Variants in VWDE observed in about 807,000 individuals in gnomAD.
VWDE encodes the protein von Willebrand factor D and EGF domains.
Under a neutral mutation model 178.4 loss-of-function variants are expected in VWDE, and 207 were observed. The observed-to-expected ratio is 1.16, with a 90% CI of 1.04 to 1.30. The LOEUF is 1.30. VWDE is among the 50% of genes most tolerant of loss of function. The pLI, the probability that VWDE is intolerant of heterozygous loss-of-function variation, is 0.00. For missense variants in VWDE, 2,287 were observed against 1,901.3 expected, an observed-to-expected ratio of 1.20 and a Z score of -3.77; for synonymous variants, 738 against 651.4, an observed-to-expected ratio of 1.13 and a Z score of -2.02.
chr7:12,380,669 A>T lies in VWDE; in HGVS notation c.606T>A (p.Ile202=). ...AGRPEVLVEL[I]ESRLFCRCSF... ...AACACCTACAGAAAAGCCTGGACTCAATCAACTCCACCAGAACCTCTGGCC... is the reference window on the plus strand; with the variant it reads ...AACACCTACAGAAAAGCCTGGACTCTATCAACTCCACCAGAACCTCTGGCC... Residue 202 remains isoleucine, a synonymous_variant, in exon 5 of 29, where the codon ATT becomes ATA. Coordinates refer to ENST00000275358, the MANE Select transcript of VWDE (RefSeq NM_001135924.3). 1 of 1,552,084 alleles carries T rather than the reference A, an allele frequency of 6.4e-7. No homozygotes were observed. Among genetic ancestry groups the T allele is most frequent in the Non-Finnish European group, 8.7e-7 (1 of 1,147,082 alleles).
At chr7:12,392,109 G>C (rs1784414327) in intron 2 of VWDE, among the ~76,000 whole-genome samples, 1 of 152,180 alleles carries the variant, frequency 6.6e-6, no homozygotes, top group African/African-American at 2.4e-5. Context: ...AGCTGAGAAA[G>C]ATTGTGATAA....
At chr7:12,399,621 C>T (rs1784806928) in intron 1 of VWDE, among the ~76,000 whole-genome samples, 1 of 150,982 alleles carries the variant, frequency 6.6e-6, no homozygotes, top group South Asian at 2.1e-4. Flanking sequence ...TATAAATTTT[C>T]CCCAAGTGCA....
chr7:12,348,594 G>A (rs955110057), intron 19 of VWDE, among the ~76,000 whole-genome samples: 24 of 149,500 alleles, frequency 1.6e-4, no homozygotes, highest in African/African-American at 5.2e-4. Context: ...TGGAGAGGAT[G>A]TGGAGAAATA....
Position 12,377,860 on chromosome 7 carries a change from T to A in VWDE, c.940A>T (p.Ser314Cys), listed in dbSNP as rs1783626943. ...TCAGAACAAATAATAGGAACTGTGC[T>A]TTCTATCCTCAGGTAGTATTCTTTC... ...DGKEYYLRIE[S>C]TVPIICSEFS... is the part of the protein sequence containing the mutation. The change falls in exon 7 of 29, where the codon AGC (serine) becomes TGC (cysteine). Residue 314 changes from serine to cysteine, a missense_variant. By Grantham distance (112) the Ser-to-Cys change is moderately radical. Coordinates refer to ENST00000275358, the MANE Select transcript of VWDE (RefSeq NM_001135924.3). 1 of 1,529,024 alleles carries A rather than the reference T, an allele frequency of 6.5e-7. No individual in the cohort carries two copies. Among genetic ancestry groups the A allele is most frequent in the Admixed American group, 2.1e-5 (1 of 48,306 alleles). 94.7% of individuals were successfully genotyped at this position (1,529,024 alleles called of 1,614,324 possible).
chr7:12,367,465 C>T lies in VWDE; in HGVS notation c.2790G>A (p.Gly930=), dbSNP rs768119045. 2 of 1,531,654 alleles carry T rather than the reference C, an allele frequency of 1.3e-6. No individual in the cohort carries two copies. Among genetic ancestry groups the T allele is most frequent in the South Asian group, 1.2e-5 (1 of 80,054 alleles). The allele number at this position is 1,531,654 out of a possible 1,614,324, so 94.9% of individuals were successfully genotyped here. A position where few individuals can be genotyped will look rare whatever the true frequency, so the allele number is the denominator to read the frequency against. Residue 930 remains glycine (G), a synonymous_variant, in exon 13 of 29, where the codon GGG becomes GGA. Coordinates refer to ENST00000275358, the MANE Select transcript of VWDE (RefSeq NM_001135924.3). The stretch of plus-strand genomic sequence containing the variant: ...TTTGAACATCACAGAATCCAGCATT[C>T]CCAAGCTCTGTAATTTCAGGAGCTT... The part of the protein sequence containing the change: ...YDKAPEITEL[G]NAGFCDVQKY...
intron 9 of VWDE, 64 bp from the exon 10 acceptor site, chr7:12,373,311 G>C (rs1324776149): frequency 2.7e-6 from 4 of 1,472,140 alleles, no homozygotes; most frequent in South Asian, 2.5e-5. Context: ...GTATGTTATT[G>C]ATTTGCAACA....
In VWDE at chr7:12,336,357, A is replaced by AT. The variant is rs137918880; in HGVS notation, c.4559-122dup. The AT allele has an allele frequency of 5.1e-3, 3,926 of 767,642 alleles. 115 individuals are homozygous for AT. The African/African-American group carries it at 0.063, about 12-fold the overall frequency. 47.6% of individuals were successfully genotyped at this position (767,642 alleles called of 1,614,324 possible). Reference sequence around the variant, plus strand: ...TAGTTACAAGTAAGTGATTAAAGAAATTTTTCCCTAATATTTTATCAAGAA... The same window carrying AT: ...TAGTTACAAGTAAGTGATTAAAGAAATTTTTTCCCTAATATTTTATCAAGAA... On this transcript the variant is annotated intron_variant, in intron 26 of 28. Transcript: ENST00000275358.
At chr7:12,365,381 T>C (rs990340452) in intron 13 of VWDE, among the ~76,000 whole-genome samples, 2 of 152,276 alleles carry the variant, frequency 1.3e-5, no homozygotes, top group African/African-American at 4.8e-5. Context: ...GCATTATTTT[T>C]ACAATTTTTC....
Position 12,390,375 on chromosome 7 carries a change from T to C in VWDE, c.244-1017A>G, listed in dbSNP as rs562308210. ...CCTTCTCTTTTATATTAGGTGGAAGTGGTACCCACCTCAAAGTGCCATAGT... is the reference window on the plus strand; with the variant it reads ...CCTTCTCTTTTATATTAGGTGGAAGCGGTACCCACCTCAAAGTGCCATAGT... On this transcript the variant is annotated intron_variant, in intron 2 of 28. Transcript: ENST00000275358. Among the ~76,000 whole-genome samples the C allele has an allele frequency of 6.0e-4, 92 of 152,108 alleles. 2 individuals are homozygous for C. The highest frequency in any genetic ancestry group is 5.1e-4 in the Non-Finnish European group (35 of 67,998).
At chr7:12,343,779 T>C (rs966681194) in intron 21 of VWDE, among the ~76,000 whole-genome samples, 14 of 152,198 alleles carry the variant, frequency 9.2e-5, no homozygotes, top group Admixed American at 6.5e-5. Context: ...GATGTATTTT[T>C]ACAAATTCAC....
Position 12,380,714 on chromosome 7 carries a change from C to T in VWDE, c.561G>A (p.Leu187=), listed in dbSNP as rs771157264. The T allele has an allele frequency of 6.4e-7, 1 of 1,551,748 alleles. No individual in the cohort carries two copies. The highest frequency in any genetic ancestry group is 8.7e-7 in the Non-Finnish European group (1 of 1,146,972). Reference sequence around the variant, plus strand: ...CTGGCCTTCCTGCAGGTGGAGGTGGCAATGAGGCAGCCAGCTGACCTGGGG... The same window carrying T: ...CTGGCCTTCCTGCAGGTGGAGGTGGTAATGAGGCAGCCAGCTGACCTGGGG... The part of the protein sequence containing the change: ...GDCVRQLAAS[L]PPPPAGRPEV... Residue 187 remains leucine (L), a synonymous_variant, in exon 5 of 29, where the codon TTG becomes TTA. Transcript: ENST00000275358.
chr7:12,356,730 T>A (rs1414125870), intron 17 of VWDE, among the ~76,000 whole-genome samples: 1 of 152,218 alleles, frequency 6.6e-6, no homozygotes, highest in Admixed American at 6.5e-5. Flanking sequence ...CAGCTGCTCT[T>A]ACAATATTAC....
chr7:12,391,060 A>G (rs1198824588), intron 2 of VWDE, among the ~76,000 whole-genome samples: 2 of 152,110 alleles, frequency 1.3e-5, no homozygotes, highest in East Asian at 3.8e-4. Context: ...AAATGAATTT[A>G]TAATAATAGG....
At chr7:12,361,952 G>A (rs903052893) in intron 13 of VWDE, among the ~76,000 whole-genome samples, 4 of 151,956 alleles carry the variant, frequency 2.6e-5, no homozygotes, top group African/African-American at 9.7e-5. Context: ...AATTCCCACA[G>A]GGTCTCTCAT....
At chr7:12,374,279 G>A (rs1288648418) in intron 9 of VWDE, among the ~76,000 whole-genome samples, 4 of 151,950 alleles carry the variant, frequency 2.6e-5, no homozygotes, top group Non-Finnish European at 5.9e-5. Context: ...TTCTTGTCAA[G>A]ACTTAGGAGT....
Position 12,378,108 on chromosome 7 carries a change from A to G in VWDE, c.880-188T>C, listed in dbSNP as rs75155111. On this transcript the variant is annotated intron_variant, in intron 6 of 28. Coordinates refer to ENST00000275358, the MANE Select transcript of VWDE (RefSeq NM_001135924.3). ...ATACAAGCAGCACACACAGGAGTAC[A>G]TGGAGCTGCTGTACTGCTCTGAGTT... Among the ~76,000 whole-genome samples, 965 of 152,330 alleles carry G rather than the reference A, an allele frequency of 6.3e-3. 6 individuals carry two copies. Among genetic ancestry groups the G allele is most frequent in the Middle Eastern group, 0.041 (12 of 294 alleles).
chr7:12,393,918 G>T, intron 1 of VWDE, 140 bp from the exon 2 acceptor site: 1 of 608,394 alleles, frequency 1.6e-6, no homozygotes. Context: ...TGAAATGTCA[G>T]GGTCTCTTAG....
At chr7:12,395,295 T>C (rs1362725367) in intron 1 of VWDE, among the ~76,000 whole-genome samples, 3 of 152,166 alleles carry the variant, frequency 2.0e-5, no homozygotes, top group Non-Finnish European at 4.4e-5. Context: ...ACATTGCACC[T>C]GGTTAGAATC....
intron 4 of VWDE, 54 bp from the exon 5 acceptor site, chr7:12,380,787 C>A: frequency 6.5e-7 from 1 of 1,530,530 alleles, no homozygotes; most frequent in Non-Finnish European, 8.8e-7. Flanking sequence ...TGGAGACTGG[C>A]TTATGGAAAA....
Sources: allele counts gnomAD v4.1 joint callset (sites outside exome capture counted in the v4.1 genomes callset), GRCh38; gene constraint gnomAD v4.1.1; transcripts MANE v1.5; gene names NCBI Gene and HGNC (gene_info 2026-07-23, HGNC 2026-07-21).